ITGA9: variants seen among roughly 807,000 people sequenced by gnomAD.
ITGA9 encodes the protein integrin alpha-9.
In ITGA9, 56 loss-of-function variants were observed where a neutral mutation model predicts 127.8. The observed-to-expected ratio is 0.44, with a 90% CI of 0.35 to 0.55. The LOEUF (loss-of-function observed/expected upper bound fraction) is 0.55. ITGA9 is among the 20% of genes least tolerant of loss of function. The pLI, the probability that ITGA9 is intolerant of heterozygous loss-of-function variation, is 0.00. For synonymous variants in ITGA9, 508 were observed against 514.5 expected (o/e 0.99, Z 0.17); for missense variants, 1,196 against 1,347.1 (o/e 0.89, Z 1.76).
intron 18 of ITGA9, among the ~76,000 whole-genome samples, chr3:37,692,747 T>C (rs528585238): frequency 2.0e-5 from 3 of 152,172 alleles, no homozygotes; most frequent in Non-Finnish European, 2.9e-5. Flanking sequence ...TAATACATAA[T>C]AGCGAAGTTT....
chr3:37,769,901 G>A (rs1696822761), intron 23 of ITGA9, among the ~76,000 whole-genome samples: 1 of 152,112 alleles, frequency 6.6e-6, no homozygotes, highest in African/African-American at 2.4e-5. Context: ...GTGGTGTTTG[G>A]GCTTCAGTAT....
chr3:37,751,865 C>G (rs1360013334), intron 23 of ITGA9, among the ~76,000 whole-genome samples: 1 of 152,126 alleles, frequency 6.6e-6, no homozygotes, highest in African/African-American at 2.4e-5. Context: ...CAGACTTGGC[C>G]CTAGGATGGC....
chr3:37,710,293 C>T (rs1472703181), intron 18 of ITGA9, among the ~76,000 whole-genome samples: 1 of 152,024 alleles, frequency 6.6e-6, no homozygotes, highest in Non-Finnish European at 1.5e-5. Flanking sequence ...GAACCCTCGT[C>T]CGTCTAATGG....
At chr3:37,693,203 T>C (rs138836749) in intron 18 of ITGA9, among the ~76,000 whole-genome samples, 1 of 152,268 alleles carries the variant, frequency 6.6e-6, no homozygotes, top group African/African-American at 2.4e-5. Flanking sequence ...TTGTCTCTGA[T>C]CTCCTTGAGA....
chr3:37,512,514 C>T (rs1698943493), intron 8 of ITGA9, among the ~76,000 whole-genome samples: 1 of 151,906 alleles, frequency 6.6e-6, no homozygotes, highest in African/African-American at 2.4e-5. Flanking sequence ...GCCCGGCCTT[C>T]TTCTTTTATT....
At chr3:37,582,066 C>G (rs1699714948) in intron 15 of ITGA9, among the ~76,000 whole-genome samples, 1 of 152,190 alleles carries the variant, frequency 6.6e-6, no homozygotes, top group African/African-American at 2.4e-5. Flanking sequence ...CAATTAGAGG[C>G]AGGCAGCCTC....
chr3:37,546,049 T>C (rs533010438), intron 15 of ITGA9, among the ~76,000 whole-genome samples: 9 of 152,370 alleles, frequency 5.9e-5, no homozygotes, highest in Admixed American at 5.9e-4. Context: ...TTTTCTTTCA[T>C]ATTTTTCTCT....
chr3:37,521,635 G>A (rs1278930776), intron 11 of ITGA9, among the ~76,000 whole-genome samples: 2 of 152,148 alleles, frequency 1.3e-5, no homozygotes, highest in Admixed American at 1.3e-4. Flanking sequence ...ATGTCTGTGG[G>A]ATAACTTAAG....
At chr3:37,766,189 C>T (rs148942895) in intron 23 of ITGA9, among the ~76,000 whole-genome samples, 3 of 152,324 alleles carry the variant, frequency 2.0e-5, no homozygotes, top group East Asian at 1.9e-4. Context: ...GTGTATGCTT[C>T]GGAAGCGCAA....
chr3:37,684,785 G>A (rs1176731163), intron 18 of ITGA9, among the ~76,000 whole-genome samples: 2 of 152,184 alleles, frequency 1.3e-5, no homozygotes, highest in African/African-American at 4.8e-5. Context: ...ACATATTTGA[G>A]TGAATTGAGG....
intron 15 of ITGA9, among the ~76,000 whole-genome samples, chr3:37,585,949 C>A (rs1021292616): frequency 2.6e-5 from 4 of 152,180 alleles, no homozygotes; most frequent in Non-Finnish European, 5.9e-5. Flanking sequence ...TATCCTGAGT[C>A]ATATTTGGGA....
intron 18 of ITGA9, among the ~76,000 whole-genome samples, chr3:37,727,873 C>T (rs1223839696): frequency 1.3e-5 from 2 of 152,214 alleles, no homozygotes; most frequent in East Asian, 3.8e-4. Flanking sequence ...GTTAACTGAT[C>T]TAACTCTGCC....
In ITGA9 at chr3:37,759,637, C is replaced by T. The variant is rs531789592; in HGVS notation, c.2541+9068C>T. On this transcript the variant is annotated intron_variant, in intron 23 of 27. Transcript: ENST00000264741. ...AAAACATGGGCTGAGCATGGTGGCTCATGCCTGTAATCCCAGCACTTTGGG... is the reference window on the plus strand; with the variant it reads ...AAAACATGGGCTGAGCATGGTGGCTTATGCCTGTAATCCCAGCACTTTGGG... Among the ~76,000 whole-genome samples the T allele has an allele frequency of 2.6e-5, 4 of 152,352 alleles. No homozygotes were observed. In the South Asian group the frequency reaches 8.3e-4, roughly 32 times the overall value.
chr3:37,492,305 C>T (rs1429998682), intron 4 of ITGA9, among the ~76,000 whole-genome samples: 1 of 152,216 alleles, frequency 6.6e-6, no homozygotes, highest in Non-Finnish European at 1.5e-5. Context: ...GTGATGGTAC[C>T]GACTTCCATG....
intron 18 of ITGA9, among the ~76,000 whole-genome samples, chr3:37,704,358 G>A (rs1209162022): frequency 6.6e-6 from 1 of 152,098 alleles, no homozygotes; most frequent in African/African-American, 2.4e-5. Flanking sequence ...CTGGAAAGCT[G>A]GCAGCAGCCT....
chr3:37,541,267 G>T (rs2125590518), intron 14 of ITGA9, among the ~76,000 whole-genome samples: 1 of 152,310 alleles, frequency 6.6e-6, no homozygotes, highest in Non-Finnish European at 1.5e-5. Flanking sequence ...GCCTTCTGTT[G>T]CTTAGCCATC....
chr3:37,606,060 C>T (rs563686083), intron 15 of ITGA9, among the ~76,000 whole-genome samples: 2 of 152,134 alleles, frequency 1.3e-5, no homozygotes, highest in Non-Finnish European at 1.5e-5. Flanking sequence ...CTCGCTAGTC[C>T]GGCAGATTGC....
At chr3:37,526,167 T>C in intron 13 of ITGA9, 96 bp downstream of exon 13, 1 of 1,079,564 alleles carries the variant, frequency 9.3e-7, no homozygotes, top group Non-Finnish European at 1.4e-6. Context: ...TCCTGTTCCT[T>C]GTAGGCTGGA....
At chr3:37,579,122 C>A (rs1699679649) in intron 15 of ITGA9, among the ~76,000 whole-genome samples, 1 of 152,148 alleles carries the variant, frequency 6.6e-6, no homozygotes, top group African/African-American at 2.4e-5. Context: ...CCCAGGGAAG[C>A]CGTCTCATGA....
Sources: gnomAD v4.1 joint callset for allele counts (sites outside exome capture counted in the v4.1 genomes callset) on GRCh38, gnomAD v4.1.1 for gene constraint, MANE v1.5 for transcripts, NCBI Gene and HGNC (gene_info 2026-07-23, HGNC 2026-07-21) for gene names.